TMEM108: variants seen among roughly 807,000 people sequenced by gnomAD.
TMEM108 encodes the protein transmembrane protein 108.
A neutral mutation model predicts 35.1 loss-of-function variants in TMEM108; 12 were observed. That is an observed-to-expected ratio of 0.34 (90% CI 0.22 to 0.55). TMEM108 has a LOEUF of 0.55. Ranked by LOEUF, TMEM108 falls within the 20% of genes least tolerant of loss-of-function variation. The pLI, the probability that TMEM108 is intolerant of heterozygous loss-of-function variation, is 0.89. For synonymous variants in TMEM108, 287 were observed against 308.6 expected (o/e 0.93, Z 0.73); for missense variants, 680 against 753.3 (o/e 0.90, Z 1.14).
intron 3 of TMEM108, among the ~76,000 whole-genome samples, chr3:133,326,821 T>C (rs2071339032): frequency 6.6e-6 from 1 of 152,224 alleles, no homozygotes; most frequent in Non-Finnish European, 1.5e-5. Flanking sequence ...CTTTGACATG[T>C]TTTAGCCTCC....
intron 3 of TMEM108, among the ~76,000 whole-genome samples, chr3:133,379,282 T>C (rs1337343883): frequency 1.3e-5 from 2 of 152,248 alleles, no homozygotes; most frequent in African/African-American, 4.8e-5. Context: ...TGGTACATAC[T>C]GCCACCCAGG....
chr3:133,259,067 A>G (rs1377174684), intron 3 of TMEM108, among the ~76,000 whole-genome samples: 2 of 152,138 alleles, frequency 1.3e-5, no homozygotes, highest in Non-Finnish European at 2.9e-5. Context: ...GTCCACTAAC[A>G]TTTCTCCCAG....
intron 2 of TMEM108, among the ~76,000 whole-genome samples, chr3:133,198,042 C>A (rs192859577): frequency 7.2e-5 from 11 of 152,230 alleles, no homozygotes; most frequent in African/African-American, 2.6e-4. Flanking sequence ...AGAGAAAAGT[C>A]TCTGAGAGAT....
chr3:133,150,627 A>G (rs923571807), intron 2 of TMEM108, among the ~76,000 whole-genome samples: 3 of 152,150 alleles, frequency 2.0e-5, no homozygotes, highest in Non-Finnish European at 4.4e-5. Flanking sequence ...AGTAAGAATA[A>G]TTAGAGAATT....
At chr3:133,210,443 G>T (rs1945819282) in intron 2 of TMEM108, among the ~76,000 whole-genome samples, 1 of 152,154 alleles carries the variant, frequency 6.6e-6, no homozygotes, top group Non-Finnish European at 1.5e-5. Flanking sequence ...CATATTGGGA[G>T]CCTTTTAAAA....
chr3:133,060,555 A>G (rs1055419487), intron 2 of TMEM108, among the ~76,000 whole-genome samples: 4 of 152,204 alleles, frequency 2.6e-5, no homozygotes, highest in African/African-American at 7.2e-5. Context: ...TCATGTTTTA[A>G]TCTAATCTCC....
At chr3:133,339,120 A>T (rs1307578144) in intron 3 of TMEM108, among the ~76,000 whole-genome samples, 2 of 151,904 alleles carry the variant, frequency 1.3e-5, no homozygotes, top group African/African-American at 4.8e-5. Context: ...CAATAATAAC[A>T]TTGAATGTAA....
At chr3:133,277,834 G>A (rs1946858867) in intron 3 of TMEM108, among the ~76,000 whole-genome samples, 1 of 152,132 alleles carries the variant, frequency 6.6e-6, no homozygotes, top group Non-Finnish European at 1.5e-5. Flanking sequence ...ATGACTTGAT[G>A]GCTCCAGAGT....
intron 3 of TMEM108, among the ~76,000 whole-genome samples, chr3:133,288,953 C>G (rs1947023849): frequency 6.6e-6 from 1 of 152,142 alleles, no homozygotes; most frequent in South Asian, 2.1e-4. Flanking sequence ...CCAGGCTGGT[C>G]TCAAACTCCT....
At chr3:133,382,690 C>CA (rs1439931582) in intron 4 of TMEM108, among the ~76,000 whole-genome samples, 3 of 152,236 alleles carry the variant, frequency 2.0e-5, no homozygotes, top group African/African-American at 7.2e-5. Context: ...AGGCTTCCCT[C>CA]AGGGAAGGCT....
intron 2 of TMEM108, among the ~76,000 whole-genome samples, chr3:133,203,155 T>A (rs1216003166): frequency 6.6e-6 from 1 of 152,244 alleles, no homozygotes; most frequent in Non-Finnish European, 1.5e-5. Context: ...ATCCTGAGAC[T>A]TTGCTGAAGT....
In TMEM108 at chr3:133,321,176, T is replaced by C. The variant is rs563498607; in HGVS notation, c.41-58576T>C. Among the ~76,000 whole-genome samples, 3 of 152,138 alleles carry C rather than the reference T, an allele frequency of 2.0e-5. No homozygotes were observed. The South Asian group carries it at 6.2e-4, about 32-fold the overall frequency. On this transcript the variant is annotated intron_variant, in intron 3 of 5. Transcript: ENST00000321871. ...AACAGTATGTCACATCTCAATAACA[T>C]TGAATGTAAAATGGATTAAATGTTC... is the stretch of plus-strand genomic sequence containing the variant.
intron 5 of TMEM108, among the ~76,000 whole-genome samples, chr3:133,391,898 G>T (rs2073239963): frequency 6.6e-6 from 1 of 152,046 alleles, no homozygotes; most frequent in Non-Finnish European, 1.5e-5. Flanking sequence ...TATGCTACTG[G>T]TCTGATATTA....
chr3:133,166,453 G>A (rs767850334), intron 2 of TMEM108, among the ~76,000 whole-genome samples: 11 of 152,166 alleles, frequency 7.2e-5, no homozygotes, highest in African/African-American at 1.2e-4. Flanking sequence ...GTGGACCCTC[G>A]CAGTGAGCGT....
In TMEM108 at chr3:133,290,656, C is replaced by A. The variant is rs1032508803; in HGVS notation, c.40+61305C>A. On this transcript the variant is annotated intron_variant, in intron 3 of 5. Transcript: ENST00000321871. ...CAAAACAAACAAATAAACAAAAAAA[C>A]CGATTCAGAAACAGAACCCTGAAGT... 1.4e-4 allele frequency among the ~76,000 whole-genome samples: 21 copies of A among 151,340 alleles called. No homozygotes were observed. In the South Asian group the frequency reaches 1.9e-3, roughly 14 times the overall value.
chr3:133,298,894 G>T (rs190292306), intron 3 of TMEM108, among the ~76,000 whole-genome samples: 17 of 152,264 alleles, frequency 1.1e-4, no homozygotes, highest in Admixed American at 1.0e-3. Flanking sequence ...ACCATCGGCT[G>T]CCTGTGGCAT....
chr3:133,098,923 A>T (rs1425163542), intron 2 of TMEM108, among the ~76,000 whole-genome samples: 1 of 152,078 alleles, frequency 6.6e-6, no homozygotes, highest in Non-Finnish European at 1.5e-5. Context: ...TGGATCTACC[A>T]TTCTGGGGTC....
chr3:133,375,360 T>C (rs796315696), intron 3 of TMEM108, among the ~76,000 whole-genome samples: 2 of 152,326 alleles, frequency 1.3e-5, no homozygotes, highest in African/African-American at 2.4e-5. Flanking sequence ...CCCACAACAA[T>C]TGTCCATATT....
At chr3:133,144,577 A>G (rs1263698120) in intron 2 of TMEM108, among the ~76,000 whole-genome samples, 1 of 152,198 alleles carries the variant, frequency 6.6e-6, no homozygotes, top group Non-Finnish European at 1.5e-5. Flanking sequence ...GAACTAATTT[A>G]CAGTCCTACC....
Sources: gnomAD v4.1 joint callset for allele counts (sites outside exome capture counted in the v4.1 genomes callset) on GRCh38, gnomAD v4.1.1 for gene constraint, MANE v1.5 for transcripts, NCBI Gene and HGNC (gene_info 2026-07-23, HGNC 2026-07-21) for gene names.